CBR4: variants seen among roughly 807,000 people sequenced by gnomAD.
CBR4 encodes the protein 3-oxoacyl-[acyl-carrier-protein] reductase.
CBR4 carries 22 observed loss-of-function variants against 21.0 expected under a neutral mutation model. That is an observed-to-expected ratio of 1.05 (90% CI 0.75 to 1.50). The LOEUF (loss-of-function observed/expected upper bound fraction) is 1.50. CBR4 is among the 40% of genes most tolerant of loss of function. The pLI, the probability that CBR4 is intolerant of heterozygous loss-of-function variation, is 0.00. For synonymous variants in CBR4, 100 were observed against 104.4 expected (o/e 0.96, Z 0.26); for missense variants, 302 against 286.3 (o/e 1.05, Z -0.40).
At chr4:168,936,706 G>A (rs1047410630) in intron 2 of CBR4, among the ~76,000 whole-genome samples, 3 of 152,040 alleles carry the variant, frequency 2.0e-5, no homozygotes, top group African/African-American at 4.8e-5. Flanking sequence ...TCAACTTAAC[G>A]AAATAAAGCA....
chr4:168,929,932 G>A (rs985723546), intron 2 of CBR4, among the ~76,000 whole-genome samples: 4 of 152,058 alleles, frequency 2.6e-5, no homozygotes, highest in Non-Finnish European at 5.9e-5. Context: ...TTCCACAGAT[G>A]GTTAAAATTT....
intron 3 of CBR4, among the ~76,000 whole-genome samples, chr4:169,005,612 T>C (rs1287113936): frequency 6.6e-6 from 1 of 152,128 alleles, no homozygotes; most frequent in African/African-American, 2.4e-5. Flanking sequence ...ATACCTCAGG[T>C]TATCAGGTGA....
downstream of CBR4, among the ~76,000 whole-genome samples, chr4:168,986,755 T>C (rs1433295875): frequency 6.6e-6 from 1 of 152,000 alleles, no homozygotes; most frequent in Non-Finnish European, 1.5e-5. Flanking sequence ...CCAGCCTGGG[T>C]GACACAGTGA....
chr4:168,979,144 GC>G (rs958624177), intron 2 of CBR4, among the ~76,000 whole-genome samples: 16 of 150,876 alleles, frequency 1.1e-4, no homozygotes, highest in African/African-American at 3.9e-4. Context: ...CTTCAGACTT[GC>G]CCCCAACAAG....
intron 2 of CBR4, chr4:168,927,001 A>AT (rs886059211): frequency 6.9e-5 from 15 of 218,916 alleles, no homozygotes; most frequent in Non-Finnish European, 1.2e-4. Context: ...AGTTCTTAAC[A>AT]TTTTTTTTCT....
rs75599674 is a variant in CBR4, at chr4:168,903,374, C to T, written n.170-8609G>A. ...AAACAATACATTTTAATTGCTGGTA[C>T]ATTTGAAAAAAGAAAAATGGCCTTC... On this transcript the variant is annotated intron_variant and non_coding_transcript_variant, in intron 2 of 3. Coordinates refer to the CBR4 transcript ENST00000509108. Among the ~76,000 whole-genome samples the T allele has an allele frequency of 5.3e-3, 810 of 152,102 alleles. 5 individuals are homozygous for T. The highest frequency in any genetic ancestry group is 8.6e-3 in the Non-Finnish European group (586 of 67,986).
chr4:168,981,890 C>A (rs2126784910), intron 2 of CBR4, among the ~76,000 whole-genome samples: 1 of 152,310 alleles, frequency 6.6e-6, no homozygotes, highest in East Asian at 1.9e-4. Context: ...ACCAGGTCTG[C>A]CTTACAAGAG....
intron 2 of CBR4, among the ~76,000 whole-genome samples, chr4:168,930,671 G>C (rs543054765): frequency 6.6e-6 from 1 of 152,266 alleles, no homozygotes; most frequent in South Asian, 2.1e-4. Context: ...GTCACTGAAA[G>C]TCCAGAAGGC....
intron 2 of CBR4, among the ~76,000 whole-genome samples, chr4:168,947,155 G>A (rs1428653325): frequency 6.6e-6 from 1 of 151,924 alleles, no homozygotes; most frequent in Non-Finnish European, 1.5e-5. Context: ...GATATACAAT[G>A]TAAAATTTAC....
chr4:168,987,734 A>G lies in CBR4; in HGVS notation c.*2416T>C, dbSNP rs896455347. ...GTTAAGGTACAACTCTTGAATATGCAGCGTAGTCTTCTCTCTTTATTCTGA... is the reference window on the plus strand; with the variant it reads ...GTTAAGGTACAACTCTTGAATATGCGGCGTAGTCTTCTCTCTTTATTCTGA... On this transcript the variant is annotated 3_prime_UTR_variant, in exon 5 of 5. Coordinates refer to ENST00000306193, the MANE Select transcript of CBR4 (RefSeq NM_032783.5). The G allele has an allele frequency of 1.0e-6, 1 of 985,138 alleles. No homozygotes were observed. Among genetic ancestry groups the G allele is most frequent in the Non-Finnish European group, 1.2e-6 (1 of 829,650 alleles). 61.0% of individuals were successfully genotyped at this position (985,138 alleles called of 1,614,324 possible).
chr4:169,002,064 C>A lies in CBR4; in HGVS notation c.535+7G>T. ...AATCAAGTTATTTTAATAAAGTTTTCACTAACCTGGTGCAACTACATTCAC... is the reference window on the plus strand; with the variant it reads ...AATCAAGTTATTTTAATAAAGTTTTAACTAACCTGGTGCAACTACATTCAC... On this transcript the variant is annotated splice_region_variant and intron_variant, in intron 4 of 4. Coordinates refer to ENST00000306193, the MANE Select transcript of CBR4 (RefSeq NM_032783.5). The A allele has an allele frequency of 6.4e-7, 1 of 1,560,030 alleles. No individual in the cohort carries two copies. Among genetic ancestry groups the A allele is most frequent in the Non-Finnish European group, 8.6e-7 (1 of 1,156,530 alleles).
In CBR4 at chr4:169,010,078, C is replaced by A; in HGVS notation, c.12G>T (p.Val4=). MDK[V]CAVFGGSRGI... is the part of the protein sequence containing the mutation. ...CTCGGGAGCCTCCAAAAACAGCACA[C>A]ACTTTGTCCATCTCGGAGTCACAAA... The change falls in exon 1 of 5, where the codon GTG becomes GTT. Residue 4 remains valine, a synonymous_variant. Coordinates refer to ENST00000306193, the MANE Select transcript of CBR4 (RefSeq NM_032783.5). The A allele has an allele frequency of 1.9e-6, 3 of 1,611,880 alleles. No individual in the cohort carries two copies. The highest frequency in any genetic ancestry group is 2.5e-6 in the Non-Finnish European group (3 of 1,179,258).
Position 169,002,059 on chromosome 4 carries a change from G to C in CBR4, c.535+12C>G, listed in dbSNP as rs1469007072. ...ATCATAATCAAGTTATTTTAATAAA[G>C]TTTTCACTAACCTGGTGCAACTACA... is the stretch of plus-strand genomic sequence containing the variant. On this transcript the variant is annotated intron_variant, in intron 4 of 4. Coordinates refer to ENST00000306193, the MANE Select transcript of CBR4 (RefSeq NM_032783.5). The C allele has an allele frequency of 1.9e-6, 3 of 1,540,664 alleles. No homozygotes were observed. The African/African-American group carries it at 4.2e-5, about 22-fold the overall frequency.
chr4:168,987,324 T>A (rs758108736), downstream of CBR4, among the ~76,000 whole-genome samples: 1 of 152,154 alleles, frequency 6.6e-6, no homozygotes, highest in Admixed American at 6.5e-5. Context: ...ATCTCAATGA[T>A]CTCCCCAACT....
intron 4 of CBR4, 85 bp downstream of exon 4, chr4:169,001,986 G>T: frequency 8.3e-7 from 1 of 1,203,566 alleles, no homozygotes; most frequent in Non-Finnish European, 1.1e-6. Context: ...ATTCTACCCA[G>T]ATGTCAATTA....
chr4:168,916,096 T>TC, intron 2 of CBR4: 1 of 1,424,074 alleles, frequency 7.0e-7, no homozygotes, highest in South Asian at 1.1e-5. Flanking sequence ...TCTCTATAGT[T>TC]CCTTTTGGGG....
rs1763024572 is a variant in CBR4, at chr4:168,933,584, C to G, written n.170-38819G>C. On this transcript the variant is annotated intron_variant and non_coding_transcript_variant, in intron 2 of 3. Coordinates refer to the CBR4 transcript ENST00000509108. The stretch of plus-strand genomic sequence containing the variant: ...AACAGTTGGGAACTTTAACACCCCA[C>G]TTTCAGCACTGGACAGATCATCTAG... 2.0e-5 allele frequency among the ~76,000 whole-genome samples: 3 copies of G among 152,198 alleles called. No individual in the cohort carries two copies. The South Asian group carries it at 6.2e-4, about 31-fold the overall frequency.
At chr4:168,973,184 T>A (rs1210345499) in intron 2 of CBR4, among the ~76,000 whole-genome samples, 1 of 152,230 alleles carries the variant, frequency 6.6e-6, no homozygotes, top group Non-Finnish European at 1.5e-5. Flanking sequence ...TAGTATTTTG[T>A]TGTGGAGTTT....
chr4:168,898,272 C>G lies in CBR4; in HGVS notation n.170-3507G>C, dbSNP rs887439581. 4.9e-5 allele frequency: 28 copies of G among 576,910 alleles called. No homozygotes were observed. The Admixed American group carries it at 8.4e-4, about 17-fold the overall frequency. The allele number at this position is 576,910 out of a possible 1,614,324, so 35.7% of individuals were successfully genotyped here. A position where few individuals can be genotyped will look rare whatever the true frequency, so the allele number is the denominator to read the frequency against. On this transcript the variant is annotated intron_variant and non_coding_transcript_variant, in intron 2 of 3. Coordinates refer to the CBR4 transcript ENST00000509108. The stretch of plus-strand genomic sequence containing the variant: ...AAAAAAATTCATCTTTCCTACCCCC[C>G]TCTTTTTGGATGATAGGACTTGAAG...
Sources: gnomAD v4.1 joint callset for allele counts (sites outside exome capture counted in the v4.1 genomes callset) on GRCh38, gnomAD v4.1.1 for gene constraint, MANE v1.5 for transcripts, NCBI Gene and HGNC (gene_info 2026-07-23, HGNC 2026-07-21) for gene names.